The following CTNNA2 variants were observed in gnomAD, a reference collection of about 807,000 sequenced individuals.
CTNNA2 encodes catenin alpha-2.
CTNNA2 carries 42 observed loss-of-function variants against 101.0 expected under a neutral mutation model. The ratio of observed to expected loss-of-function variants is 0.42; its 90% CI spans 0.32 to 0.54. The LOEUF (loss-of-function observed/expected upper bound fraction) is 0.54. CTNNA2 is among the 20% of genes least tolerant of loss of function. The probability of loss-of-function intolerance (pLI) is 0.14; values close to 1 mark genes in which losing one functional copy is unlikely to be tolerated. For synonymous variants in CTNNA2, 450 were observed against 456.4 expected, an observed-to-expected ratio of 0.99 and a Z score of 0.18; for missense variants, 871 against 1,223.1, an observed-to-expected ratio of 0.71 and a Z score of 4.29.
chr2:79,670,229 G>A (rs552362631), intron 2 of CTNNA2, among the ~76,000 whole-genome samples: 1 of 152,188 alleles, frequency 6.6e-6, no homozygotes, highest in African/African-American at 2.4e-5. Context: ...GGAAGCCCAG[G>A]TCTGCAGCCG....
chr2:80,520,754 G>T (rs1689476671), intron 9 of CTNNA2, among the ~76,000 whole-genome samples: 1 of 152,114 alleles, frequency 6.6e-6, no homozygotes, highest in Admixed American at 6.5e-5. Flanking sequence ...TAATTTTGGG[G>T]GTATTGTACT....
chr2:80,005,775 T>TTG (rs1388903169), intron 7 of CTNNA2, among the ~76,000 whole-genome samples: 1 of 150,800 alleles, frequency 6.6e-6, no homozygotes, highest in Non-Finnish European at 1.5e-5. Context: ...GTTTATTTGT[T>TTG]TTTTTTTTTT....
chr2:80,333,386 G>A (rs1205068530), intron 7 of CTNNA2, among the ~76,000 whole-genome samples: 1 of 152,186 alleles, frequency 6.6e-6, no homozygotes, highest in Non-Finnish European at 1.5e-5. Context: ...TCAATCTGGT[G>A]TCTGCTCTAG....
chr2:79,667,877 T>C (rs917276952), intron 2 of CTNNA2, among the ~76,000 whole-genome samples: 2 of 152,226 alleles, frequency 1.3e-5, no homozygotes, highest in African/African-American at 4.8e-5. Flanking sequence ...TAAACTTTAA[T>C]GCATGGTTTG....
intron 7 of CTNNA2, among the ~76,000 whole-genome samples, chr2:80,222,418 A>G (rs182073856): frequency 4.5e-4 from 68 of 152,336 alleles, no homozygotes; most frequent in Middle Eastern, 3.4e-3. Flanking sequence ...CAAATCTTAT[A>G]TAATGCAAAG....
intron 7 of CTNNA2, among the ~76,000 whole-genome samples, chr2:80,365,456 T>C (rs983213830): frequency 7.2e-5 from 11 of 152,136 alleles, no homozygotes; most frequent in African/African-American, 2.7e-4. Context: ...ATTTTTTACA[T>C]GATTTTTTAA....
intron 2 of CTNNA2, among the ~76,000 whole-genome samples, chr2:79,670,144 C>G (rs149710653): frequency 2.0e-5 from 3 of 152,266 alleles, no homozygotes; most frequent in African/African-American, 7.2e-5. Context: ...CAGCTGCACC[C>G]GGGAGCTCAC....
At chr2:79,749,304 C>T (rs1671851545) in intron 3 of CTNNA2, among the ~76,000 whole-genome samples, 1 of 152,114 alleles carries the variant, frequency 6.6e-6, no homozygotes, top group African/African-American at 2.4e-5. Flanking sequence ...AGTTTTTGCT[C>T]TCAGGTGTGT....
At chr2:79,827,232 T>A (rs149331394) in intron 3 of CTNNA2, among the ~76,000 whole-genome samples, 1 of 151,948 alleles carries the variant, frequency 6.6e-6, no homozygotes, top group African/African-American at 2.4e-5. Flanking sequence ...AGAAACAGAG[T>A]TTTACCACAT....
intron 7 of CTNNA2, among the ~76,000 whole-genome samples, chr2:79,972,254 A>G (rs892573176): frequency 2.0e-5 from 3 of 152,190 alleles, no homozygotes; most frequent in Non-Finnish European, 4.4e-5. Context: ...CCATTTATGC[A>G]GCGCTACAAT....
At chr2:79,351,683 GT>G (rs369732430) in intron 3 of CTNNA2, among the ~76,000 whole-genome samples, 311 of 152,186 alleles carry the variant, frequency 2.0e-3, no homozygotes, top group African/African-American at 7.2e-3. Flanking sequence ...AGAACAGGTG[GT>G]ATTTGGCTTT....
intron 7 of CTNNA2, among the ~76,000 whole-genome samples, chr2:80,019,200 G>A (rs1214332628): frequency 6.6e-6 from 1 of 152,094 alleles, no homozygotes; most frequent in Non-Finnish European, 1.5e-5. Flanking sequence ...TATCTGAGTG[G>A]GGGTCCTGGA....
chr2:80,281,696 C>A lies in CTNNA2; in HGVS notation c.1057-111515C>A, dbSNP rs956716926. On this transcript the variant is annotated intron_variant, in intron 7 of 18. Transcript: ENST00000402739. ...CTTCAGAAGATATATTGAAACAAAT[C>A]AACACTATGAATTTTGCAGTTGTAT... is the stretch of plus-strand genomic sequence containing the variant. 2.6e-5 allele frequency among the ~76,000 whole-genome samples: 4 copies of A among 151,770 alleles called. No homozygotes were observed. The East Asian group carries it at 7.8e-4, about 29-fold the overall frequency.
rs1382299104 is a variant in CTNNA2, at chr2:79,281,171, T to C, written c.-405-31538T>C. 2.6e-5 allele frequency among the ~76,000 whole-genome samples: 4 copies of C among 152,174 alleles called. No individual in the cohort carries two copies. The East Asian group carries it at 7.7e-4, about 29-fold the overall frequency. On this transcript the variant is annotated intron_variant, in intron 2 of 21. Coordinates refer to the CTNNA2 transcript ENST00000466387. ...ATCCTTACATGATCATAGGCAGTCT[T>C]GGTGGGACTATCAGTCAGATGCCCT...
chr2:79,856,833 T>C (rs1423525549), intron 3 of CTNNA2, among the ~76,000 whole-genome samples: 2 of 152,180 alleles, frequency 1.3e-5, no homozygotes, highest in Non-Finnish European at 2.9e-5. Context: ...CTCTCCCATC[T>C]CCTTGGTCCA....
intron 3 of CTNNA2, among the ~76,000 whole-genome samples, chr2:79,347,743 G>A (rs1035321263): frequency 4.0e-5 from 6 of 150,438 alleles, no homozygotes; most frequent in Admixed American, 1.3e-4. Flanking sequence ...TAAAATACTC[G>A]GAAAAATAAT....
At chr2:80,309,361 T>C (rs1250116538) in intron 7 of CTNNA2, among the ~76,000 whole-genome samples, 3 of 152,188 alleles carry the variant, frequency 2.0e-5, no homozygotes, top group Admixed American at 6.5e-5. Context: ...TATAAAGCAA[T>C]CCCTTTTTCT....
intron 12 of CTNNA2, among the ~76,000 whole-genome samples, chr2:80,569,639 T>TG (rs1694387600): frequency 1.1e-4 from 5 of 45,920 alleles, no homozygotes; most frequent in African/African-American, 5.0e-4. Flanking sequence ...TTAGGTTTTT[T>TG]TTTTTTTTTT....
At chr2:79,636,224 CGCGCCACT>C (rs1342810642) in intron 1 of CTNNA2, among the ~76,000 whole-genome samples, 1 of 134,986 alleles carries the variant, frequency 7.4e-6, no homozygotes, top group African/African-American at 2.7e-5. Flanking sequence ...GAGCCGAGAT[CGCGCCACT>C]GCACTCCAGC....
Sources: allele counts gnomAD v4.1 joint callset (sites outside exome capture counted in the v4.1 genomes callset), GRCh38; gene constraint gnomAD v4.1.1; transcripts MANE v1.5; gene names NCBI Gene and HGNC (gene_info 2026-07-23, HGNC 2026-07-21).